The following ADAR variants were observed in gnomAD, a reference collection of about 807,000 sequenced individuals.
ADAR encodes adenosine deaminase RNA specific, also known as double-stranded RNA-specific adenosine deaminase.
Under a neutral mutation model 113.2 loss-of-function variants are expected in ADAR, and 41 were observed. The ratio of observed to expected loss-of-function variants is 0.36; its 90% confidence interval spans 0.28 to 0.47. The LOEUF (loss-of-function observed/expected upper bound fraction) is 0.47. Ranked by LOEUF, ADAR falls within the 20% of genes least tolerant of loss-of-function variation. ADAR has a pLI of 1.00. For synonymous variants in ADAR, 605 were observed against 572.6 expected (o/e 1.06, Z -0.81); for missense variants, 1,242 against 1,540.9 (o/e 0.81, Z 3.25).
At chr1:154,588,754 G>C (rs1242850822) in intron 9 of ADAR, 81 bp from the exon 10 acceptor site, 7 of 1,575,432 alleles carry the variant, frequency 4.4e-6, no homozygotes, top group Non-Finnish European at 6.1e-6. Context: ...CTCCAAATGA[G>C]AAAGTAAGGA....
chr1:154,613,967 A>C (rs1386719909), intron 1 of ADAR, among the ~76,000 whole-genome samples: 1 of 151,934 alleles, frequency 6.6e-6, no homozygotes, highest in Non-Finnish European at 1.5e-5. Flanking sequence ...AGAGGTCTCC[A>C]AAAGCTATTA....
At chr1:154,621,763 C>A (rs1379267158) in intron 1 of ADAR, among the ~76,000 whole-genome samples, 1 of 152,106 alleles carries the variant, frequency 6.6e-6, no homozygotes. Context: ...TTGCTGATGG[C>A]AGTGGAAACT....
In ADAR at chr1:154,601,244, G is replaced by A. The variant is rs1254639551; in HGVS notation, c.1398C>T (p.Ile466=). The A allele has an allele frequency of 3.7e-6, 6 of 1,614,232 alleles. No individual in the cohort carries two copies. Among genetic ancestry groups the A allele is most frequent in the Non-Finnish European group, 5.1e-6 (6 of 1,180,040 alleles). The change falls in exon 2 of 15, where the codon ATC becomes ATT. Residue 466 remains isoleucine, a synonymous_variant. Transcript: ENST00000368474. This position sits in a 1 kb window ranked among gnomAD's most constrained non-coding sequence, Gnocchi z 4.7. ...TDDIPDDLNS[I]RAAPGEFRAI... is the part of the protein sequence containing the mutation. ...CTCGAAACTCACCTGGTGCTGCGCG[G>A]ATACTATTCAAGTCATCTGGGATGT...
At chr1:154,624,638 A>G (rs1698886887) in intron 1 of ADAR, among the ~76,000 whole-genome samples, 1 of 152,242 alleles carries the variant, frequency 6.6e-6, no homozygotes, top group African/African-American at 2.4e-5. Context: ...TCTTTCCCAA[A>G]TATTTAATTT....
chr1:154,622,418 C>G (rs1464327139), intron 1 of ADAR, among the ~76,000 whole-genome samples: 2 of 152,120 alleles, frequency 1.3e-5, no homozygotes, highest in East Asian at 1.9e-4. Flanking sequence ...AGTTGACAAC[C>G]CTTGGTCCCC....
chr1:154,589,347 C>T (rs1306072858), intron 9 of ADAR, 22 bp downstream of exon 9: 2 of 1,605,932 alleles, frequency 1.2e-6, no homozygotes, highest in Admixed American at 1.7e-5. Context: ...GGCAGCCGGG[C>T]CACAGCTCTG....
intron 1 of ADAR, among the ~76,000 whole-genome samples, chr1:154,626,699 T>C (rs1320803738): frequency 1.3e-5 from 2 of 152,182 alleles, no homozygotes; most frequent in Non-Finnish European, 2.9e-5. Flanking sequence ...GTAGATATAA[T>C]TATCTTCATT....
chr1:154,584,356 G>A lies in ADAR; in HGVS notation c.*450C>T, dbSNP rs1410115915. On this transcript the variant is annotated 3_prime_UTR_variant, in exon 15 of 15. Transcript: ENST00000368474. ...AAAGAATCTCAGAAGGGAAAGAGGG[G>A]AAGTAGAGGGGTCTGCGTAATCCAC... 7 of 161,076 alleles carry A rather than the reference G, an allele frequency of 4.3e-5. No individual in the cohort carries two copies. The East Asian group carries it at 9.0e-4, about 21-fold the overall frequency. The allele number at this position is 161,076 out of a possible 1,614,324, so 10.0% of individuals were successfully genotyped here. A position where few individuals can be genotyped will look rare whatever the true frequency, so the allele number is the denominator to read the frequency against.
rs141437138 is a variant in ADAR, at chr1:154,598,954, TA to T, written c.1602-370del. On this transcript the variant is annotated intron_variant, in intron 2 of 14. Coordinates refer to ENST00000368474, the MANE Select transcript of ADAR (RefSeq NM_001111.5). Reference sequence around the variant, plus strand: ...GTGAGCAACCAAAAGACCTTCATTCTAAAGCAATTGTGGTAGACTGGCCTCC... The same window carrying T: ...GTGAGCAACCAAAAGACCTTCATTCTAAGCAATTGTGGTAGACTGGCCTCC... 8.7e-3 allele frequency among the ~76,000 whole-genome samples: 1,329 copies of T among 152,342 alleles called. 23 individuals carry two copies. The highest frequency in any genetic ancestry group is 0.03 in the African/African-American group (1,265 of 41,574).
chr1:154,593,662 C>A (rs1341843752), intron 6 of ADAR, among the ~76,000 whole-genome samples: 3 of 152,116 alleles, frequency 2.0e-5, no homozygotes, highest in Admixed American at 2.0e-4. Context: ...GGAGACTGGG[C>A]CTCTCCTTTT....
chr1:154,607,810 C>T (rs1698299175), intron 1 of ADAR, among the ~76,000 whole-genome samples, 182 bp downstream of exon 1: 1 of 151,218 alleles, frequency 6.6e-6, no homozygotes, highest in African/African-American at 2.4e-5. Flanking sequence ...ACGACACACA[C>T]CCACACACAC....
At position 154,596,999 on chromosome 1, in the gene ADAR, A is replaced by G; in HGVS notation, c.2080-4T>C. The stretch of plus-strand genomic sequence containing the variant: ...ACTCTGAGATCATACCTTCAGGCTA[A>G]AGGAGAATCCATCAAACAGAGGAGC... On this transcript the variant is annotated splice_region_variant and splice_polypyrimidine_tract_variant and intron_variant, in intron 5 of 14. Transcript: ENST00000368474. The G allele has an allele frequency of 6.2e-7, 1 of 1,614,214 alleles. No homozygotes were observed. Among genetic ancestry groups the G allele is most frequent in the African/African-American group, 1.3e-5 (1 of 75,054 alleles).
chr1:154,608,001 A>G lies in ADAR; in HGVS notation c.6T>C (p.Asn2=), dbSNP rs1369459506. The G allele has an allele frequency of 6.2e-7, 1 of 1,606,310 alleles. No homozygotes were observed. The highest frequency in any genetic ancestry group is 1.7e-5 in the Admixed American group (1 of 59,318). The change falls in exon 1 of 15, where the codon AAT becomes AAC. Residue 2 remains asparagine (N), a synonymous_variant. Transcript: ENST00000368474. Reference sequence around the variant, plus strand: ...GGCCGGCCCGGCTTACCTGCCGCGGATTCATTGCGCCCGCGAGGCATTGCC... The same window carrying G: ...GGCCGGCCCGGCTTACCTGCCGCGGGTTCATTGCGCCCGCGAGGCATTGCC... The part of the protein sequence containing the change: M[N]PRQGYSLSGY...
chr1:154,590,151 C>CCA, intron 7 of ADAR, 33 bp downstream of exon 7: 2 of 1,328,454 alleles, frequency 1.5e-6, no homozygotes, highest in Non-Finnish European at 2.1e-6. Context: ...ACCCCCCCGC[C>CCA]CCAAAAAAGG....
chr1:154,600,875 A>G (rs1697823227), intron 2 of ADAR, 166 bp downstream of exon 2: 30 of 965,380 alleles, frequency 3.1e-5, no homozygotes, highest in East Asian at 4.8e-5. Flanking sequence ...TCCCTGCTCA[A>G]TATCTGGAGA....
At chr1:154,608,307 T>G, upstream of ADAR, 1 of 464,888 alleles carries the variant, frequency 2.2e-6, no homozygotes, top group South Asian at 3.2e-5. Flanking sequence ...ACCCCTCCGC[T>G]GCATGAGAAC....
chr1:154,625,573 G>A (rs547103570), intron 1 of ADAR, among the ~76,000 whole-genome samples: 46 of 152,346 alleles, frequency 3.0e-4, no homozygotes, highest in African/African-American at 1.0e-3. Context: ...AAAGAGAAGC[G>A]AAAGGCCTGG....
intron 11 of ADAR, 36 bp from the exon 12 acceptor site, chr1:154,586,399 A>G (rs762876916): frequency 1.6e-5 from 25 of 1,608,372 alleles, no homozygotes; most frequent in Non-Finnish European, 2.0e-5. Context: ...CACAGGCGCC[A>G]ATGGACCAAA....
Position 154,597,126 on chromosome 1 carries a change from G to A in ADAR, c.2076C>T (p.Asn692=). 1 of 1,614,136 alleles carries A rather than the reference G, an allele frequency of 6.2e-7. No homozygotes were observed. Among genetic ancestry groups the A allele is most frequent in the African/African-American group, 1.3e-5 (1 of 75,008 alleles). The change falls in exon 5 of 15, where the codon AAC becomes AAT. Residue 692 remains asparagine, a synonymous_variant. Transcript: ENST00000368474. ...GEATNSMASD[N]QPEGMISESL... is the part of the protein sequence containing the mutation. ...TTTGAGTAGGAAAACGCCCTACCTG[G>A]TTATCAGAAGCCATGGAGTTGGTCG...
Sources: gnomAD v4.1 joint callset for allele counts (sites outside exome capture counted in the v4.1 genomes callset) on GRCh38, gnomAD v4.1.1 for gene constraint, Gnocchi (gnomAD v3.1) non-coding constraint, MANE v1.5 for transcripts, NCBI Gene and HGNC (gene_info 2026-07-23, HGNC 2026-07-21) for gene names.